Variants in ARHGAP22 observed in about 807,000 individuals in gnomAD.
ARHGAP22 encodes rho GTPase-activating protein 22.
ARHGAP22 carries 48 observed loss-of-function variants against 59.1 expected under a neutral mutation model. The ratio of observed to expected loss-of-function variants is 0.81; its 90% CI spans 0.64 to 1.03. The LOEUF is 1.03. ARHGAP22 is among the 50% of genes least tolerant of loss of function. ARHGAP22 has a pLI of 0.00. For missense variants in ARHGAP22, 1,015 were observed against 958.7 expected (o/e 1.06, Z -0.78); for synonymous variants, 445 against 416.4 (o/e 1.07, Z -0.84).
At chr10:48,511,895 T>C (rs2052805376) in intron 3 of ARHGAP22, among the ~76,000 whole-genome samples, 1 of 152,200 alleles carries the variant, frequency 6.6e-6, no homozygotes, top group Admixed American at 6.5e-5. Context: ...TGGATCTGAC[T>C]GTGACAGGCT....
intron 1 of ARHGAP22, among the ~76,000 whole-genome samples, chr10:48,587,141 G>A (rs1194140366): frequency 6.6e-6 from 1 of 152,222 alleles, no homozygotes; most frequent in Non-Finnish European, 1.5e-5. Context: ...GGTTGTGCCA[G>A]AAGAGACCCA....
chr10:48,603,454 T>G (rs2060500170), intron 1 of ARHGAP22, among the ~76,000 whole-genome samples: 1 of 152,256 alleles, frequency 6.6e-6, no homozygotes, highest in Non-Finnish European at 1.5e-5. Context: ...AAAATAATTA[T>G]TAATGAGATA....
chr10:48,647,975 T>C (rs1213996697), intron 1 of ARHGAP22, among the ~76,000 whole-genome samples: 1 of 152,166 alleles, frequency 6.6e-6, no homozygotes, highest in East Asian at 1.9e-4. Flanking sequence ...ATAGAAAATG[T>C]CCAGAAAAGG....
At chr10:48,580,555 A>G (rs1246767755) in intron 2 of ARHGAP22, among the ~76,000 whole-genome samples, 4 of 152,190 alleles carry the variant, frequency 2.6e-5, no homozygotes, top group African/African-American at 9.7e-5. Context: ...GGGTGACAGT[A>G]AGGGTCCAGG....
intron 3 of ARHGAP22, among the ~76,000 whole-genome samples, chr10:48,529,439 A>G (rs977150627): frequency 1.3e-5 from 2 of 152,214 alleles, no homozygotes; most frequent in African/African-American, 4.8e-5. Flanking sequence ...CTAAGTCCTA[A>G]GAAAACTTGG....
At chr10:48,584,506 T>C (rs1038146046) in intron 1 of ARHGAP22, among the ~76,000 whole-genome samples, 1 of 152,288 alleles carries the variant, frequency 6.6e-6, no homozygotes, top group South Asian at 2.1e-4. Flanking sequence ...TGATTATCTG[T>C]GTGGTTGTCT....
At chr10:48,442,793 T>C (rs1460306114), downstream of ARHGAP22, among the ~76,000 whole-genome samples, 5 of 152,198 alleles carry the variant, frequency 3.3e-5, no homozygotes, top group African/African-American at 9.7e-5. Context: ...AACACGTCTC[T>C]ACCAGGCATT....
intron 2 of ARHGAP22, among the ~76,000 whole-genome samples, chr10:48,565,271 C>T (rs149120858): frequency 1.5e-3 from 232 of 152,214 alleles, no homozygotes; most frequent in African/African-American, 5.1e-3. Context: ...GAGAATTAAA[C>T]GGGATCAAGT....
At chr10:48,518,764 TC>T (rs1190603503) in intron 3 of ARHGAP22, among the ~76,000 whole-genome samples, 1 of 152,038 alleles carries the variant, frequency 6.6e-6, no homozygotes, top group Non-Finnish European at 1.5e-5. Context: ...TTGAGGAGGG[TC>T]CATGTGGGAG....
intron 3 of ARHGAP22, among the ~76,000 whole-genome samples, chr10:48,511,111 C>T (rs7910327): frequency 0.79 from 120,026 of 152,172 alleles, 49,174 homozygotes; most frequent in Non-Finnish European, 0.9. Flanking sequence ...ACTCCATGCA[C>T]GGCACGGCAG....
intron 3 of ARHGAP22, among the ~76,000 whole-genome samples, chr10:48,549,916 C>T (rs1225658940): frequency 6.6e-6 from 1 of 152,188 alleles, no homozygotes; most frequent in South Asian, 2.1e-4. Flanking sequence ...CTCACTAAAG[C>T]TTGAGAACCA....
intron 4 of ARHGAP22, among the ~76,000 whole-genome samples, chr10:48,471,402 G>A (rs1427375845): frequency 6.6e-6 from 1 of 152,228 alleles, no homozygotes; most frequent in Non-Finnish European, 1.5e-5. Context: ...TTTGCTTGGC[G>A]GTGCCTGCTG....
intron 3 of ARHGAP22, among the ~76,000 whole-genome samples, chr10:48,553,107 C>T (rs200682459): frequency 1.3e-5 from 2 of 152,242 alleles, no homozygotes; most frequent in East Asian, 3.8e-4. Flanking sequence ...AATCCGGAGC[C>T]CCCAGTGGGA....
chr10:48,621,365 T>C (rs1285991861), intron 1 of ARHGAP22, among the ~76,000 whole-genome samples: 2 of 152,242 alleles, frequency 1.3e-5, no homozygotes, highest in African/African-American at 4.8e-5. Context: ...TCATTTATAA[T>C]CTTATTTACT....
chr10:48,475,521 C>T (rs181733389), intron 4 of ARHGAP22, among the ~76,000 whole-genome samples: 104 of 152,332 alleles, frequency 6.8e-4, no homozygotes, highest in Non-Finnish European at 7.8e-4. Flanking sequence ...CGTAGTCTTT[C>T]TATCTCAGCT....
At chr10:48,517,012 A>G (rs918679168) in intron 3 of ARHGAP22, among the ~76,000 whole-genome samples, 3 of 152,140 alleles carry the variant, frequency 2.0e-5, no homozygotes, top group Non-Finnish European at 2.9e-5. Flanking sequence ...AATACAATAT[A>G]TTTATTGTAT....
At chr10:48,571,353 T>C (rs1001204185) in intron 2 of ARHGAP22, among the ~76,000 whole-genome samples, 1 of 152,226 alleles carries the variant, frequency 6.6e-6, no homozygotes, top group African/African-American at 2.4e-5. Flanking sequence ...CTTAGCAAGA[T>C]TTCTTTTCTC....
At chr10:48,605,148 C>T, upstream of ARHGAP22, 1 of 1,054,364 alleles carries the variant, frequency 9.5e-7, no homozygotes, top group South Asian at 2.8e-5. Flanking sequence ...GGGGGCGGGG[C>T]GGGGCCGAGA....
chr10:48,472,022 G>A (rs930837754), intron 4 of ARHGAP22, among the ~76,000 whole-genome samples: 2 of 149,376 alleles, frequency 1.3e-5, no homozygotes, highest in African/African-American at 4.9e-5. Context: ...GCCTGGCCAA[G>A]ATGGTGAAAC....
Sources: allele counts gnomAD v4.1 joint callset (sites outside exome capture counted in the v4.1 genomes callset), GRCh38; gene constraint gnomAD v4.1.1; transcripts MANE v1.5; gene names NCBI Gene and HGNC (gene_info 2026-07-23, HGNC 2026-07-21).